MBTD1: variants seen among roughly 807,000 people sequenced by gnomAD.
The protein encoded by MBTD1 is mbt domain containing 1.
Under a neutral mutation model 87.8 loss-of-function variants are expected in MBTD1, and 24 were observed. The observed-to-expected ratio is 0.27, with a 90% CI of 0.20 to 0.38. The LOEUF is 0.38. Ranked by LOEUF, MBTD1 falls within the 10% of genes least tolerant of loss-of-function variation. The pLI, the probability that MBTD1 is intolerant of heterozygous loss-of-function variation, is 1.00. For synonymous variants in MBTD1, 237 were observed against 248.6 expected (o/e 0.95, Z 0.44); for missense variants, 436 against 760.2 (o/e 0.57, Z 5.02).
At chr17:51,251,053 T>G (rs1205255238) in intron 2 of MBTD1, 1 of 151,048 alleles carries the variant, frequency 6.6e-6, no homozygotes, top group Non-Finnish European at 1.5e-5. Flanking sequence ...ATTTCTTAAT[T>G]TTATTTTTCA....
chr17:51,179,317 C>G lies in MBTD1; in HGVS notation c.*1259G>C, dbSNP rs2050192061. ...CTAGAGCGCTCTCATTCAGTCACAA[C>G]TCAGTAGAAAGTTAGAAAATGCAGA... On this transcript the variant is annotated 3_prime_UTR_variant, in exon 17 of 17. Coordinates refer to ENST00000586178, the MANE Select transcript of MBTD1 (RefSeq NM_017643.3). The G allele has an allele frequency of 6.7e-6, 1 of 149,718 alleles. No individual in the cohort carries two copies. Among genetic ancestry groups the G allele is most frequent in the Admixed American group, 6.7e-5 (1 of 14,962 alleles). 9.3% of individuals were successfully genotyped at this position (149,718 alleles called of 1,614,324 possible).
intron 16 of MBTD1, chr17:51,185,703 C>G (rs1440675574): frequency 6.6e-6 from 1 of 152,124 alleles, no homozygotes; most frequent in African/African-American, 2.4e-5. Flanking sequence ...GTTCCCACGT[C>G]AAGTCACATA....
chr17:51,207,173 A>C (rs1398677767), intron 6 of MBTD1, among the ~76,000 whole-genome samples, 168 bp from the exon 7 acceptor site: 1 of 152,204 alleles, frequency 6.6e-6, no homozygotes, highest in Admixed American at 6.5e-5. Flanking sequence ...TCAGGGACAA[A>C]CAAGATAAAG....
At chr17:51,183,318 T>C (rs188546145) in intron 16 of MBTD1, 3 of 152,226 alleles carry the variant, frequency 2.0e-5, no homozygotes, top group Admixed American at 6.5e-5. Context: ...TTTACAGGCG[T>C]GCACCACCAC....
chr17:51,190,770 T>TAC (rs1360538089), intron 16 of MBTD1, among the ~76,000 whole-genome samples: 2 of 111,944 alleles, frequency 1.8e-5, no homozygotes, highest in Non-Finnish European at 3.5e-5. Context: ...TATATATATA[T>TAC]AACCTTATCT....
chr17:51,209,015 T>C (rs764412559), intron 6 of MBTD1, among the ~76,000 whole-genome samples: 4 of 152,180 alleles, frequency 2.6e-5, no homozygotes, highest in African/African-American at 4.8e-5. Context: ...AACCAATCCA[T>C]ATGGTTCATT....
intron 2 of MBTD1, among the ~76,000 whole-genome samples, chr17:51,241,131 C>T (rs890535896): frequency 4.6e-5 from 7 of 152,074 alleles, no homozygotes; most frequent in African/African-American, 1.7e-4. Flanking sequence ...CGTGTCACCT[C>T]ACCCAGCTAA....
At chr17:51,259,384 C>T (rs373233062) in intron 1 of MBTD1, among the ~76,000 whole-genome samples, 178 bp from the exon 2 acceptor site, 3 of 152,252 alleles carry the variant, frequency 2.0e-5, no homozygotes, top group Middle Eastern at 3.4e-3. Flanking sequence ...TGCAAACCGC[C>T]TCGCGGCACT....
chr17:51,211,174 T>C, intron 6 of MBTD1, among the ~76,000 whole-genome samples: 1 of 140,246 alleles, frequency 7.1e-6, no homozygotes. Context: ...GAAAAAAAAA[T>C]TTAAGTTAGG....
chr17:51,227,516 G>A (rs8070834), intron 2 of MBTD1, among the ~76,000 whole-genome samples: 5,611 of 152,044 alleles, frequency 0.037, 353 homozygotes, highest in African/African-American at 0.13. Flanking sequence ...AGCCACGATC[G>A]TGCCCCTGCA....
intron 16 of MBTD1, among the ~76,000 whole-genome samples, chr17:51,189,918 C>G (rs2050717827): frequency 6.6e-6 from 1 of 152,158 alleles, no homozygotes; most frequent in Admixed American, 6.5e-5. Flanking sequence ...TCAGACCTGG[C>G]AAGCAGCTGG....
At chr17:51,221,661 T>C (rs931793749) in intron 3 of MBTD1, among the ~76,000 whole-genome samples, 4 of 152,196 alleles carry the variant, frequency 2.6e-5, no homozygotes, top group Non-Finnish European at 4.4e-5. Context: ...GCGTCTGTAC[T>C]GACCATACAC....
At chr17:51,221,798 T>C (rs1385694874) in intron 3 of MBTD1, among the ~76,000 whole-genome samples, 1 of 152,236 alleles carries the variant, frequency 6.6e-6, no homozygotes, top group Non-Finnish European at 1.5e-5. Context: ...GTGCGTAAGT[T>C]ATATGTAAAT....
At chr17:51,216,519 GAT>G (rs372580460) in intron 6 of MBTD1, among the ~76,000 whole-genome samples, 3 of 151,026 alleles carry the variant, frequency 2.0e-5, no homozygotes, top group South Asian at 2.1e-4. Flanking sequence ...GGTTTCTCAT[GAT>G]ATATATATAT....
chr17:51,229,098 G>A (rs1311870352), intron 2 of MBTD1, among the ~76,000 whole-genome samples: 2 of 152,116 alleles, frequency 1.3e-5, no homozygotes, highest in Non-Finnish European at 2.9e-5. Context: ...GGGAGGCCGA[G>A]GCTGGAGGAC....
chr17:51,240,806 T>C (rs2054120035), intron 2 of MBTD1, among the ~76,000 whole-genome samples: 1 of 152,158 alleles, frequency 6.6e-6, no homozygotes, highest in African/African-American at 2.4e-5. Context: ...TCATATTAAG[T>C]ATTTGGAATT....
At chr17:51,209,127 G>C (rs923507201) in intron 6 of MBTD1, among the ~76,000 whole-genome samples, 1 of 152,214 alleles carries the variant, frequency 6.6e-6, no homozygotes, top group Non-Finnish European at 1.5e-5. Context: ...TAATTTCATA[G>C]ATATGTCTGC....
At chr17:51,220,195 G>T in intron 4 of MBTD1, 135 bp downstream of exon 4, 1 of 794,452 alleles carries the variant, frequency 1.3e-6, no homozygotes, top group Non-Finnish European at 1.8e-6. Context: ...GGGCTCACAT[G>T]TTTCCTCAAG....
intron 6 of MBTD1, among the ~76,000 whole-genome samples, chr17:51,210,816 A>G (rs1001868007): frequency 6.6e-6 from 1 of 151,784 alleles, no homozygotes; most frequent in African/African-American, 2.4e-5. Flanking sequence ...AAAACAGTCC[A>G]TAATTTTTTT....
Sources: allele counts gnomAD v4.1 joint callset (sites outside exome capture counted in the v4.1 genomes callset), GRCh38; gene constraint gnomAD v4.1.1; transcripts MANE v1.5; gene names NCBI Gene and HGNC (gene_info 2026-07-23, HGNC 2026-07-21).